SUSD1: variants seen among roughly 807,000 people sequenced by gnomAD.
The protein encoded by SUSD1 is sushi domain-containing protein 1.
SUSD1 carries 65 observed loss-of-function variants against 86.9 expected under a neutral mutation model. The observed-to-expected ratio is 0.75, with a 90% CI of 0.61 to 0.92. The LOEUF is 0.92. Among genes scored for constraint, SUSD1 ranks in the 40% least tolerant of loss-of-function variants. SUSD1 has a pLI of 0.00. For missense variants in SUSD1, 850 were observed against 929.7 expected, an observed-to-expected ratio of 0.91 and a Z score of 1.11; for synonymous variants, 346 against 350.0, an observed-to-expected ratio of 0.99 and a Z score of 0.13.
chr9:112,052,267 G>A, intron 15 of SUSD1, 132 bp downstream of exon 15: 1 of 1,566,472 alleles, frequency 6.4e-7, no homozygotes, highest in Non-Finnish European at 8.6e-7. Context: ...CAGCTATGAA[G>A]CTCTTTGCTT....
intron 6 of SUSD1, among the ~76,000 whole-genome samples, chr9:112,114,305 A>T (rs1831222455): frequency 6.6e-6 from 1 of 152,188 alleles, no homozygotes; most frequent in Non-Finnish European, 1.5e-5. Flanking sequence ...TAACATGGCA[A>T]AACCCCGTCT....
chr9:112,142,246 T>G (rs1223518779), intron 5 of SUSD1, 74 bp downstream of exon 5: 5 of 1,296,578 alleles, frequency 3.9e-6, no homozygotes, highest in Non-Finnish European at 5.2e-6. Flanking sequence ...TCCCTGAAAC[T>G]GAAATTTAGA....
intron 1 of SUSD1, among the ~76,000 whole-genome samples, chr9:112,160,147 ATAT>A (rs1401019604): frequency 4.6e-5 from 7 of 152,228 alleles, no homozygotes; most frequent in Admixed American, 4.6e-4. Context: ...GAATTAGAAA[ATAT>A]TATCAAATGC....
intron 12 of SUSD1, among the ~76,000 whole-genome samples, chr9:112,070,721 G>A (rs1829230571): frequency 6.8e-6 from 1 of 147,078 alleles, no homozygotes; most frequent in Non-Finnish European, 1.5e-5. Flanking sequence ...AATTTGCTCT[G>A]CAAAAAAAAA....
intron 10 of SUSD1, among the ~76,000 whole-genome samples, chr9:112,096,885 G>A (rs1830416856): frequency 6.6e-5 from 10 of 152,142 alleles, no homozygotes; most frequent in Admixed American, 6.5e-4. Context: ...AATAATTGGA[G>A]GGAATTCATA....
intron 14 of SUSD1, among the ~76,000 whole-genome samples, chr9:112,052,739 C>T (rs1828273709): frequency 6.6e-6 from 1 of 152,172 alleles, no homozygotes; most frequent in Non-Finnish European, 1.5e-5. Flanking sequence ...CCCTGACCAG[C>T]TCTGAGCAAC....
intron 6 of SUSD1, among the ~76,000 whole-genome samples, chr9:112,119,095 T>C (rs988887631): frequency 6.6e-6 from 1 of 152,164 alleles, no homozygotes. Flanking sequence ...TGAGTGACCA[T>C]GTAAAAGTCA....
chr9:112,088,399 A>C (rs1399646708), intron 10 of SUSD1, among the ~76,000 whole-genome samples: 1 of 152,246 alleles, frequency 6.6e-6, no homozygotes. Flanking sequence ...CTGAGAGGAA[A>C]AGGGATGCAG....
At chr9:112,101,600 C>G (rs1830636971) in intron 9 of SUSD1, among the ~76,000 whole-genome samples, 1 of 151,722 alleles carries the variant, frequency 6.6e-6, no homozygotes, top group Non-Finnish European at 1.5e-5. Context: ...AATCCTAGCA[C>G]TTTGGGAGGC....
At position 112,111,647 on chromosome 9, in the gene SUSD1, C is replaced by T. The variant is rs765099546; in HGVS notation, c.1171+7G>A. 7 of 1,611,464 alleles carry T rather than the reference C, an allele frequency of 4.3e-6. No individual in the cohort carries two copies. Among genetic ancestry groups the T allele is most frequent in the Non-Finnish European group, 5.9e-6 (7 of 1,178,906 alleles). ...CTAGGAGGAAATGAGACTTCACCTC[C>T]ACCTACCAGCTGTCTGGAAACCGAT... On this transcript the variant is annotated splice_region_variant and intron_variant, in intron 8 of 16. Coordinates refer to ENST00000374270, the MANE Select transcript of SUSD1 (RefSeq NM_022486.5).
chr9:112,114,172 T>C (rs1831216555), intron 6 of SUSD1, among the ~76,000 whole-genome samples: 1 of 151,946 alleles, frequency 6.6e-6, no homozygotes, highest in Non-Finnish European at 1.5e-5. Flanking sequence ...AGAAAACAAT[T>C]TCATTTACAA....
At chr9:112,053,513 CAAAAAAA>C (rs56987871) in intron 14 of SUSD1, among the ~76,000 whole-genome samples, 5 of 77,666 alleles carry the variant, frequency 6.4e-5, no homozygotes, top group Admixed American at 1.7e-4. Flanking sequence ...GACTTCGTCT[CAAAAAAA>C]AAAAAAAAAA....
intron 10 of SUSD1, among the ~76,000 whole-genome samples, chr9:112,088,481 T>C (rs539757737): frequency 1.3e-5 from 2 of 152,378 alleles, no homozygotes; most frequent in East Asian, 1.9e-4. Flanking sequence ...AATTAAAGTA[T>C]GCCATTAAAA....
chr9:112,087,423 C>T (rs753344666), intron 10 of SUSD1, among the ~76,000 whole-genome samples: 33 of 152,074 alleles, frequency 2.2e-4, no homozygotes, highest in Non-Finnish European at 4.3e-4. Context: ...TCAAGTGATC[C>T]GCTCACCTCG....
intron 10 of SUSD1, among the ~76,000 whole-genome samples, chr9:112,090,006 C>A (rs1041965203): frequency 6.6e-6 from 1 of 151,896 alleles, no homozygotes; most frequent in Non-Finnish European, 1.5e-5. Context: ...GGTGACAGGC[C>A]AGATTTGTTC....
chr9:112,157,689 G>C (rs777904341), intron 1 of SUSD1, 76 bp from the exon 2 acceptor site: 2 of 1,234,238 alleles, frequency 1.6e-6, no homozygotes, highest in Non-Finnish European at 2.3e-6. Context: ...CATTTACAAC[G>C]AAGAACCAAA....
chr9:112,094,264 C>T (rs534126951), intron 10 of SUSD1, among the ~76,000 whole-genome samples: 2 of 152,242 alleles, frequency 1.3e-5, no homozygotes, highest in Non-Finnish European at 2.9e-5. Context: ...TATTAGTAGA[C>T]AACATTAGAT....
rs1436464555 is a variant in SUSD1, at chr9:112,113,324, C to T, written c.887-456G>A. 6.6e-6 allele frequency among the ~76,000 whole-genome samples: 1 copy of T among 152,172 alleles called. No individual in the cohort carries two copies. The highest frequency in any genetic ancestry group is 1.5e-5 in the Non-Finnish European group (1 of 68,024). On this transcript the variant is annotated intron_variant, in intron 6 of 16. Transcript: ENST00000374270. This position sits in a 1 kb window ranked among gnomAD's most constrained non-coding sequence, Gnocchi z 4.1. ...CCCAGGGGGAAAATGACATGTCTCA[C>T]CACACAGGACCATGCCTCAGAAACA...
intron 1 of SUSD1, among the ~76,000 whole-genome samples, chr9:112,161,820 CAAAAAAAAAA>C (rs11354546): frequency 5.0e-5 from 6 of 119,572 alleles, no homozygotes; most frequent in Non-Finnish European, 1.1e-4. Flanking sequence ...AGACTCCATC[CAAAAAAAAAA>C]AAAAAAAAAT....
Sources: allele counts gnomAD v4.1 joint callset (sites outside exome capture counted in the v4.1 genomes callset), GRCh38; gene constraint gnomAD v4.1.1; non-coding constraint Gnocchi (gnomAD v3.1); transcripts MANE v1.5; gene names NCBI Gene and HGNC (gene_info 2026-07-23, HGNC 2026-07-21).